Variants in TENM2 observed in about 807,000 individuals in gnomAD.
TENM2 encodes teneurin-2.
Under a neutral mutation model 245.2 loss-of-function variants are expected in TENM2, and 52 were observed. The observed-to-expected ratio is 0.21, with a 90% CI of 0.17 to 0.27. The LOEUF (loss-of-function observed/expected upper bound fraction) is 0.27. Ranked by LOEUF, TENM2 falls within the 10% of genes least tolerant of loss-of-function variation. TENM2 has a pLI of 1.00. For missense variants in TENM2, 3,046 were observed against 3,666.8 expected (o/e 0.83, Z 4.37); for synonymous variants, 1,363 against 1,438.9 (o/e 0.95, Z 1.19).
the TENM2 span, among the ~76,000 whole-genome samples, chr5:167,208,350 A>G: frequency 6.6e-6 from 1 of 152,216 alleles, no homozygotes; most frequent in Admixed American, 6.5e-5. Context: ...AGCTAATACT[A>G]AATGACTCAC....
intron 2 of TENM2, among the ~76,000 whole-genome samples, chr5:167,820,106 C>T: frequency 6.6e-6 from 1 of 152,124 alleles, no homozygotes; most frequent in East Asian, 1.9e-4. Flanking sequence ...TCTGCTCACT[C>T]CAGGGAAAGA....
chr5:167,350,458 A>G (rs571940161), intron 1 of TENM2, among the ~76,000 whole-genome samples: 118 of 147,996 alleles, frequency 8.0e-4, no homozygotes, highest in African/African-American at 2.8e-3. Context: ...TGTATGTCCC[A>G]TATATATGGG....
chr5:167,832,997 G>A (rs1417598554), intron 2 of TENM2, among the ~76,000 whole-genome samples: 2 of 151,988 alleles, frequency 1.3e-5, no homozygotes, highest in African/African-American at 4.8e-5. Flanking sequence ...CATTCAGAGT[G>A]GTTCTATCTA....
chr5:167,587,594 G>T (rs911402752), intron 2 of TENM2, among the ~76,000 whole-genome samples: 1 of 152,148 alleles, frequency 6.6e-6, no homozygotes, highest in Non-Finnish European at 1.5e-5. Context: ...AATTGGAAAA[G>T]ATTTCAAAGT....
At chr5:167,674,385 A>G (rs1254339310) in intron 2 of TENM2, among the ~76,000 whole-genome samples, 6 of 152,096 alleles carry the variant, frequency 3.9e-5, no homozygotes. Context: ...TGCCCCCAAA[A>G]TGTTTATTCC....
At chr5:167,196,608 A>G in the TENM2 span, among the ~76,000 whole-genome samples, 1 of 151,194 alleles carries the variant, frequency 6.6e-6, no homozygotes, top group African/African-American at 2.4e-5. Context: ...CTTAACTGTA[A>G]AATTCTGATC....
chr5:167,771,127 A>G (rs925812087), intron 2 of TENM2, among the ~76,000 whole-genome samples: 14 of 152,106 alleles, frequency 9.2e-5, no homozygotes, highest in African/African-American at 2.9e-4. Flanking sequence ...GGCTACTTCA[A>G]TCGGTCACTC....
chr5:167,395,366 A>G (rs1265817944), intron 2 of TENM2, among the ~76,000 whole-genome samples: 2 of 152,052 alleles, frequency 1.3e-5, no homozygotes, highest in Non-Finnish European at 2.9e-5. Context: ...ATGGTTTATC[A>G]GTTCTAACAG....
the TENM2 span, among the ~76,000 whole-genome samples, chr5:167,057,626 C>T: frequency 1.3e-5 from 2 of 152,094 alleles, no homozygotes; most frequent in Non-Finnish European, 2.9e-5. Flanking sequence ...CCTTTCACTC[C>T]ATGGAAGGCT....
At chr5:168,096,159 C>A (rs894265309) in intron 8 of TENM2, among the ~76,000 whole-genome samples, 1 of 152,206 alleles carries the variant, frequency 6.6e-6, no homozygotes, top group African/African-American at 2.4e-5. Flanking sequence ...GTTCCCAATA[C>A]AGACAGCCTT....
chr5:168,127,777 T>A (rs1474971407), intron 12 of TENM2, among the ~76,000 whole-genome samples: 1 of 152,188 alleles, frequency 6.6e-6, no homozygotes, highest in Non-Finnish European at 1.5e-5. Context: ...TTTTTACTTT[T>A]GTTATTTAAT....
At chr5:167,626,121 A>T (rs80354660) in intron 2 of TENM2, among the ~76,000 whole-genome samples, 1,898 of 152,268 alleles carry the variant, frequency 0.012, 25 homozygotes, top group East Asian at 0.073. Flanking sequence ...CTTTGGAAGG[A>T]GGAAGTGCCA....
chr5:168,249,214 A>G (rs1343968063), intron 27 of TENM2, among the ~76,000 whole-genome samples: 1 of 152,034 alleles, frequency 6.6e-6, no homozygotes, highest in African/African-American at 2.4e-5. Context: ...TAACATTGTC[A>G]TTACTAGAGA....
At chr5:167,792,882 G>A (rs1765080116) in intron 2 of TENM2, among the ~76,000 whole-genome samples, 1 of 152,136 alleles carries the variant, frequency 6.6e-6, no homozygotes, top group African/African-American at 2.4e-5. Context: ...TTCTGCAGGA[G>A]CCTGCCCCTC....
At chr5:167,956,549 C>T (rs755807788) in intron 4 of TENM2, among the ~76,000 whole-genome samples, 15 of 152,026 alleles carry the variant, frequency 9.9e-5, no homozygotes, top group African/African-American at 2.2e-4. Flanking sequence ...TGTCTTGTGC[C>T]GGTTTTCAAA....
At chr5:167,596,597 T>A (rs1776228599) in intron 2 of TENM2, among the ~76,000 whole-genome samples, 1 of 151,992 alleles carries the variant, frequency 6.6e-6, no homozygotes, top group African/African-American at 2.4e-5. Context: ...ATCAAGACCA[T>A]CCTGGCTAAC....
intron 25 of TENM2, among the ~76,000 whole-genome samples, chr5:168,239,009 T>C (rs1765854045): frequency 6.6e-6 from 1 of 152,198 alleles, no homozygotes; most frequent in African/African-American, 2.4e-5. Flanking sequence ...AACTTTTATG[T>C]TCTCCAGGAA....
chr5:167,045,448 A>T, the TENM2 span, among the ~76,000 whole-genome samples: 1 of 151,982 alleles, frequency 6.6e-6, no homozygotes, highest in Non-Finnish European at 1.5e-5. Flanking sequence ...TTCCATTCCT[A>T]TCCTCTACCT....
chr5:167,527,747 A>C (rs1200679156), intron 2 of TENM2, among the ~76,000 whole-genome samples: 1 of 152,166 alleles, frequency 6.6e-6, no homozygotes, highest in African/African-American at 2.4e-5. Context: ...TTGTATTTCA[A>C]CCTTAGCAAA....
Sources: allele counts gnomAD v4.1 joint callset (sites outside exome capture counted in the v4.1 genomes callset), GRCh38; gene constraint gnomAD v4.1.1; transcripts MANE v1.5; gene names NCBI Gene and HGNC (gene_info 2026-07-23, HGNC 2026-07-21).